The following SGCD variants were observed in gnomAD, a reference collection of about 807,000 sequenced individuals.
The protein encoded by SGCD is sarcoglycan delta, also known as delta-sarcoglycan.
In SGCD, 18 loss-of-function variants were observed where a neutral mutation model predicts 36.6. The ratio of observed to expected loss-of-function variants is 0.49; its 90% CI spans 0.34 to 0.73. SGCD has a LOEUF of 0.73. Ranked by LOEUF, SGCD falls within the 30% of genes least tolerant of loss-of-function variation. SGCD has a pLI of 0.01. For missense variants in SGCD, 387 were observed against 346.7 expected, an observed-to-expected ratio of 1.12 and a Z score of -0.92; for synonymous variants, 133 against 130.6, an observed-to-expected ratio of 1.02 and a Z score of -0.12.
chr5:155,866,108 C>T (rs111722465), upstream of SGCD, among the ~76,000 whole-genome samples: 64 of 152,222 alleles, frequency 4.2e-4, 1 homozygote, highest in African/African-American at 1.4e-3. Flanking sequence ...TTATGTATAC[C>T]ACCCATTTTA....
chr5:155,901,635 G>GA (rs149100354), intron 1 of SGCD, among the ~76,000 whole-genome samples: 1,556 of 151,650 alleles, frequency 0.01, 42 homozygotes, highest in African/African-American at 0.036. Context: ...CACGTGGTAA[G>GA]AAAAAAAAGT....
At chr5:156,571,673 T>C (rs1294743550) in intron 4 of SGCD, among the ~76,000 whole-genome samples, 3 of 152,212 alleles carry the variant, frequency 2.0e-5, no homozygotes, top group Admixed American at 6.5e-5. Context: ...CCAGCAAGCC[T>C]TTGGCTACAG....
intron 4 of SGCD, among the ~76,000 whole-genome samples, 182 bp downstream of exon 4, chr5:156,508,884 G>A (rs1341671816): frequency 6.6e-6 from 1 of 152,158 alleles, no homozygotes; most frequent in Non-Finnish European, 1.5e-5. Flanking sequence ...GTAAGCAAGT[G>A]AGATGACCTC....
upstream of SGCD, among the ~76,000 whole-genome samples, chr5:155,867,527 G>A (rs73299497): frequency 0.033 from 5,033 of 152,210 alleles, 279 homozygotes; most frequent in African/African-American, 0.11. Flanking sequence ...GGCATTGAAC[G>A]GCAGTTATAG....
chr5:155,729,742 G>A, the SGCD span, among the ~76,000 whole-genome samples: 1 of 152,190 alleles, frequency 6.6e-6, no homozygotes, highest in Non-Finnish European at 1.5e-5. Flanking sequence ...TGCGCTCCCT[G>A]CTCTCAGGCC....
At chr5:155,911,055 A>G (rs1756619170) in intron 1 of SGCD, among the ~76,000 whole-genome samples, 1 of 152,084 alleles carries the variant, frequency 6.6e-6, no homozygotes, top group African/African-American at 2.4e-5. Flanking sequence ...ATAGCAATGC[A>G]TTGTATGGGT....
At chr5:155,757,061 C>T in the SGCD span, among the ~76,000 whole-genome samples, 1 of 152,170 alleles carries the variant, frequency 6.6e-6, no homozygotes, top group Non-Finnish European at 1.5e-5. Context: ...CTGAAAGAGG[C>T]TATACCTGCC....
At chr5:156,251,069 T>C (rs1365566137) in intron 3 of SGCD, among the ~76,000 whole-genome samples, 1 of 152,202 alleles carries the variant, frequency 6.6e-6, no homozygotes, top group Non-Finnish European at 1.5e-5. Context: ...ATAAACACAT[T>C]TTACATTAAT....
intron 2 of SGCD, among the ~76,000 whole-genome samples, chr5:156,340,950 A>G (rs1768619994): frequency 6.6e-6 from 1 of 152,202 alleles, no homozygotes; most frequent in African/African-American, 2.4e-5. Flanking sequence ...ATATGTTTGC[A>G]TGGAAAGGCC....
upstream of SGCD, among the ~76,000 whole-genome samples, chr5:156,322,430 G>A (rs1366034039): frequency 6.6e-6 from 1 of 152,046 alleles, no homozygotes; most frequent in Non-Finnish European, 1.5e-5. Context: ...CACAACCTGG[G>A]GAAAGCAGGC....
intron 1 of SGCD, among the ~76,000 whole-genome samples, chr5:156,002,193 A>G (rs2127568271): frequency 6.6e-6 from 1 of 152,244 alleles, no homozygotes; most frequent in East Asian, 1.9e-4. Context: ...CTAATCCAGT[A>G]TGACTGATAT....
intron 1 of SGCD, among the ~76,000 whole-genome samples, chr5:156,114,729 T>G (rs1039518559): frequency 2.0e-5 from 3 of 152,158 alleles, no homozygotes; most frequent in African/African-American, 7.2e-5. Flanking sequence ...AAAGTAAAAT[T>G]CCTTCAGTAA....
chr5:155,750,926 C>A, the SGCD span, among the ~76,000 whole-genome samples: 5 of 152,124 alleles, frequency 3.3e-5, no homozygotes, highest in Admixed American at 6.5e-5. Flanking sequence ...TTGGTGACTC[C>A]TGGGGCAAAA....
At chr5:156,421,325 A>G (rs1270983689) in intron 3 of SGCD, among the ~76,000 whole-genome samples, 1 of 152,102 alleles carries the variant, frequency 6.6e-6, no homozygotes, top group African/African-American at 2.4e-5. Context: ...TCAGGTTATG[A>G]TACATTCGAG....
the SGCD span, among the ~76,000 whole-genome samples, chr5:155,842,587 A>G: frequency 4.8e-3 from 729 of 152,206 alleles, 5 homozygotes; most frequent in African/African-American, 0.017. Context: ...AAAAAAAAAA[A>G]GTGACTAAAA....
intron 3 of SGCD, among the ~76,000 whole-genome samples, chr5:156,262,819 G>A (rs1446080540): frequency 6.6e-6 from 1 of 152,008 alleles, no homozygotes; most frequent in East Asian, 1.9e-4. Flanking sequence ...ACTTCACTTA[G>A]AATAATGGTC....
At chr5:156,198,247 G>A (rs1362488669) in intron 3 of SGCD, among the ~76,000 whole-genome samples, 1 of 152,052 alleles carries the variant, frequency 6.6e-6, no homozygotes, top group Non-Finnish European at 1.5e-5. Flanking sequence ...TAGATAAGAA[G>A]TCTAGGAGTT....
the SGCD span, among the ~76,000 whole-genome samples, chr5:155,739,083 T>C: frequency 6.6e-6 from 1 of 152,198 alleles, no homozygotes; most frequent in African/African-American, 2.4e-5. Context: ...ATGAACTTTT[T>C]TTCACACCAC....
chr5:156,127,134 A>G (rs1762191891), intron 3 of SGCD, among the ~76,000 whole-genome samples: 1 of 152,250 alleles, frequency 6.6e-6, no homozygotes, highest in Non-Finnish European at 1.5e-5. Context: ...GTATGTGTAT[A>G]TAGTGAATAC....
Sources: allele counts gnomAD v4.1 joint callset (sites outside exome capture counted in the v4.1 genomes callset), GRCh38; gene constraint gnomAD v4.1.1; transcripts MANE v1.5; gene names NCBI Gene and HGNC (gene_info 2026-07-23, HGNC 2026-07-21).